The following ART3 variants were observed in gnomAD, a reference collection of about 807,000 sequenced individuals.
ART3 encodes the protein ADP-ribosyltransferase 3 (inactive), also known as ecto-ADP-ribosyltransferase 3.
A neutral mutation model predicts 48.5 loss-of-function variants in ART3; 49 were observed. The observed-to-expected ratio is 1.01, with a 90% CI of 0.80 to 1.28. The LOEUF (loss-of-function observed/expected upper bound fraction) is 1.28, where lower values mean the gene tolerates loss of function less well. Ranked by LOEUF, ART3 falls within the 50% of genes most tolerant of loss-of-function variation. ART3 has a pLI of 0.00. For missense variants in ART3, 438 were observed against 454.3 expected (o/e 0.96, Z 0.33); for synonymous variants, 145 against 157.2 (o/e 0.92, Z 0.58).
intron 1 of ART3, among the ~76,000 whole-genome samples, chr4:76,024,296 C>T (rs1215380216): frequency 1.3e-5 from 2 of 151,350 alleles, no homozygotes; most frequent in Non-Finnish European, 2.9e-5. Flanking sequence ...AATTTAAAAG[C>T]GGGGGGGCAC....
At chr4:76,044,183 G>A (rs1253753122) in intron 1 of ART3, among the ~76,000 whole-genome samples, 1 of 152,046 alleles carries the variant, frequency 6.6e-6, no homozygotes, top group Non-Finnish European at 1.5e-5. Context: ...AGAAAGGGGA[G>A]AAGCCATGTT....
intron 1 of ART3, among the ~76,000 whole-genome samples, chr4:76,042,856 C>G (rs910292785): frequency 2.6e-4 from 39 of 152,024 alleles, no homozygotes; most frequent in Admixed American, 5.2e-4. Context: ...ACTGCTGGCT[C>G]GGGCAGCCTG....
At chr4:76,076,002 TC>T in intron 2 of ART3, 44 bp downstream of exon 2, 2 of 1,438,324 alleles carry the variant, frequency 1.4e-6, no homozygotes, top group Non-Finnish European at 1.9e-6. Flanking sequence ...GAATGGAAAT[TC>T]GTTTTTTTTT....
intron 1 of ART3, among the ~76,000 whole-genome samples, chr4:76,050,635 C>G (rs561537300): frequency 6.6e-6 from 1 of 152,354 alleles, no homozygotes; most frequent in Non-Finnish European, 1.5e-5. Flanking sequence ...AGCTGCCTGC[C>G]AGTCCCGGTG....
intron 1 of ART3, among the ~76,000 whole-genome samples, chr4:76,038,878 A>T (rs1734689035): frequency 6.6e-6 from 1 of 151,818 alleles, no homozygotes; most frequent in Non-Finnish European, 1.5e-5. Context: ...GCGTGCCTCC[A>T]TGCCTGGCTA....
chr4:76,020,704 T>C (rs1732719258), intron 1 of ART3, among the ~76,000 whole-genome samples: 1 of 152,026 alleles, frequency 6.6e-6, no homozygotes, highest in African/African-American at 2.4e-5. Flanking sequence ...AATTTGGCCA[T>C]AGGGCTGGAT....
chr4:76,022,428 C>CT (rs1406978660), intron 1 of ART3: 22 of 1,613,248 alleles, frequency 1.4e-5, no homozygotes, highest in Admixed American at 1.7e-5. Flanking sequence ...TCAGACATCT[C>CT]TTCTCACCCT....
upstream of ART3, among the ~76,000 whole-genome samples, chr4:76,074,108 C>T (rs897888278): frequency 6.6e-6 from 1 of 152,070 alleles, no homozygotes; most frequent in Non-Finnish European, 1.5e-5. Flanking sequence ...GTATATTTAC[C>T]ATGTATGCGT....
intron 1 of ART3, among the ~76,000 whole-genome samples, chr4:76,048,542 C>T (rs373861413): frequency 5.3e-5 from 8 of 151,920 alleles, no homozygotes; most frequent in African/African-American, 7.2e-5. Flanking sequence ...GAACCCACAA[C>T]GGTCCCTGGA....
chr4:76,103,859 G>T, intron 8 of ART3, 78 bp from the exon 9 acceptor site: 2 of 1,253,738 alleles, frequency 1.6e-6, no homozygotes, highest in Non-Finnish European at 1.1e-6. Context: ...TGGAAATGGA[G>T]GAAATATAGA....
intron 1 of ART3, chr4:76,022,664 G>A: frequency 1.9e-6 from 3 of 1,610,470 alleles, no homozygotes; most frequent in Non-Finnish European, 2.5e-6. Flanking sequence ...AACCAGGGAA[G>A]TGATAATCAG....
Position 76,078,995 on chromosome 4 carries a change from G to GC in ART3, c.70-2829_70-2828insC, listed in dbSNP as rs201151725. On this transcript the variant is annotated intron_variant, in intron 2 of 11. Coordinates refer to ENST00000355810, the MANE Select transcript of ART3 (RefSeq NM_001130016.3). ...ACTGGGGAGGCTGAAGCGGGAGAAT[G>GC]GCGTGAACCCGGCAGGCGGAGCTTG... Among the ~76,000 whole-genome samples the GC allele has an allele frequency of 2.6e-3, 391 of 152,208 alleles. 3 individuals are homozygous for GC. The highest frequency in any genetic ancestry group is 9.0e-3 in the African/African-American group (375 of 41,524).
chr4:76,018,628 A>T (rs1732480848), intron 1 of ART3, among the ~76,000 whole-genome samples: 1 of 152,242 alleles, frequency 6.6e-6, no homozygotes, highest in African/African-American at 2.4e-5. Flanking sequence ...AGTATTAAAT[A>T]CAAAGTAATA....
Position 76,082,200 on chromosome 4 carries a change from T to C in ART3, c.446T>C (p.Leu149Pro). The change falls in exon 3 of 12, where the codon CTG becomes CCG. Residue 149 changes from leucine to proline, a missense_variant. Physicochemically the swap from Leu to Pro is moderately conservative, Grantham distance 98. Coordinates refer to ENST00000355810, the MANE Select transcript of ART3 (RefSeq NM_001130016.3). ...TACCTCACAAGAGCCCTGCAGTTGC[T>C]GAGAAAACCTTGTGAGGCCAGTTCC... Reference protein sequence around the residue: ...HFYLTRALQLLRKPCEASSKT... With the variant: ...HFYLTRALQLPRKPCEASSKT... The C allele has an allele frequency of 6.2e-7, 1 of 1,614,196 alleles. No individual in the cohort carries two copies. The highest frequency in any genetic ancestry group is 8.5e-7 in the Non-Finnish European group (1 of 1,180,036).
At chr4:76,104,885 GTTA>G (rs1472881794) in intron 10 of ART3, among the ~76,000 whole-genome samples, 7 of 152,194 alleles carry the variant, frequency 4.6e-5, no homozygotes, top group Middle Eastern at 3.4e-3. Context: ...TGCAGGTTTT[GTTA>G]TTATGGAAAT....
chr4:76,077,236 G>GT (rs2149526577), intron 2 of ART3, among the ~76,000 whole-genome samples: 1 of 152,160 alleles, frequency 6.6e-6, no homozygotes, highest in South Asian at 2.1e-4. Flanking sequence ...TGTGTCTATG[G>GT]TTTTGCCTAT....
chr4:76,072,617 C>A (rs1473441851), upstream of ART3, among the ~76,000 whole-genome samples: 1 of 150,896 alleles, frequency 6.6e-6, no homozygotes, highest in Non-Finnish European at 1.5e-5. Context: ...CCAGAGTGAT[C>A]CTCTTAAAAA....
chr4:76,075,981 T>C (rs1720952501), intron 2 of ART3, 23 bp downstream of exon 2: 2 of 1,568,428 alleles, frequency 1.3e-6, no homozygotes, highest in Admixed American at 1.8e-5. Flanking sequence ...ATGGGAAGCA[T>C]GTGGTCATTG....
chr4:76,069,884 A>G (rs1212552271), upstream of ART3, among the ~76,000 whole-genome samples: 1 of 151,884 alleles, frequency 6.6e-6, no homozygotes, highest in Non-Finnish European at 1.5e-5. Context: ...GATTGTGTGC[A>G]CATATAACAT....
Sources: allele counts gnomAD v4.1 joint callset (sites outside exome capture counted in the v4.1 genomes callset), GRCh38; gene constraint gnomAD v4.1.1; transcripts MANE v1.5; gene names NCBI Gene and HGNC (gene_info 2026-07-23, HGNC 2026-07-21).